Variants in TRAPPC9 observed in about 807,000 individuals in gnomAD.
TRAPPC9 encodes IKK2 binding protein.
In TRAPPC9, 83 loss-of-function variants were observed where a neutral mutation model predicts 124.0. That is an observed-to-expected ratio of 0.67 (90% CI 0.56 to 0.80). The LOEUF (loss-of-function observed/expected upper bound fraction) is 0.80, where lower values mean the gene tolerates loss of function less well. TRAPPC9 is among the 30% of genes least tolerant of loss of function. The pLI is 0.00. For missense variants in TRAPPC9, 1,302 were observed against 1,508.3 expected, an observed-to-expected ratio of 0.86 and a Z score of 2.27; for synonymous variants, 638 against 617.5, an observed-to-expected ratio of 1.03 and a Z score of -0.49.
chr8:139,918,944 C>A (rs1832328388), intron 19 of TRAPPC9, among the ~76,000 whole-genome samples: 1 of 152,154 alleles, frequency 6.6e-6, no homozygotes, highest in Non-Finnish European at 1.5e-5. Flanking sequence ...GACTGCTTGG[C>A]CCGCTGGGTC....
intron 9 of TRAPPC9, among the ~76,000 whole-genome samples, chr8:140,312,225 C>A (rs991587395): frequency 5.9e-5 from 9 of 152,180 alleles, no homozygotes; most frequent in South Asian, 4.1e-4. Flanking sequence ...GAAGTCCCTC[C>A]TTGCAGCATC....
rs373487260 is a variant in TRAPPC9 at position 140,322,005 on chromosome 8, C to A, written c.1496-10631G>T. Among the ~76,000 whole-genome samples the A allele has an allele frequency of 2.6e-5, 4 of 152,242 alleles. No homozygotes were observed. In the East Asian group the frequency reaches 5.8e-4, roughly 22 times the overall value. ...GACCATGGCTGCCAAAGGTTAGGGC[C>A]AAGCAGCAAAGCTTGAAGAAACCCC... On this transcript the variant is annotated intron_variant, in intron 9 of 22. Transcript: ENST00000438773.
chr8:139,751,281 T>C (rs1819290113), intron 21 of TRAPPC9, among the ~76,000 whole-genome samples: 1 of 152,182 alleles, frequency 6.6e-6, no homozygotes, highest in South Asian at 2.1e-4. Context: ...GAATGCATCT[T>C]TTCAGGGGTC....
At chr8:140,424,005 G>A (rs906195816) in intron 5 of TRAPPC9, among the ~76,000 whole-genome samples, 1 of 152,134 alleles carries the variant, frequency 6.6e-6, no homozygotes, top group Non-Finnish European at 1.5e-5. Context: ...ACTGCTAACA[G>A]GTATATGGCT....
At chr8:139,869,535 T>A (rs764225720) in intron 21 of TRAPPC9, among the ~76,000 whole-genome samples, 1 of 152,140 alleles carries the variant, frequency 6.6e-6, no homozygotes, top group Non-Finnish European at 1.5e-5. Context: ...CCATGGTAGA[T>A]CAAATAAGAA....
chr8:139,794,234 C>T (rs893786248), intron 21 of TRAPPC9, among the ~76,000 whole-genome samples: 1 of 152,214 alleles, frequency 6.6e-6, no homozygotes, highest in Non-Finnish European at 1.5e-5. Flanking sequence ...AAGAATCCTG[C>T]CTGGCTCTGT....
chr8:140,291,140 T>A, intron 11 of TRAPPC9, 62 bp from the exon 12 acceptor site: 1 of 1,457,914 alleles, frequency 6.9e-7, no homozygotes. Context: ...ACTTTCTACA[T>A]GGTTTCCAAT....
intron 15 of TRAPPC9, among the ~76,000 whole-genome samples, chr8:140,265,208 G>A (rs1352018638): frequency 1.3e-5 from 2 of 152,134 alleles, no homozygotes; most frequent in Non-Finnish European, 2.9e-5. Context: ...CCGCGCCCAG[G>A]CCAGTAACTG....
Position 139,988,273 on chromosome 8 carries a change from C to T in TRAPPC9, c.2810+453G>A, listed in dbSNP as rs181863938. On this transcript the variant is annotated intron_variant, in intron 19 of 22. Transcript: ENST00000438773. ...GATAACAGGCATGCACCACCATGCC[C>T]GGGTAGTTTTTGTATTTTTAGTAGA... Among the ~76,000 whole-genome samples, 47 of 151,998 alleles carry T rather than the reference C, an allele frequency of 3.1e-4. 2 individuals are homozygous for T. The highest frequency in any genetic ancestry group is 1.1e-3 in the African/African-American group (44 of 41,456).
At chr8:139,890,078 C>T (rs985013411) in intron 20 of TRAPPC9, among the ~76,000 whole-genome samples, 2 of 152,344 alleles carry the variant, frequency 1.3e-5, no homozygotes, top group East Asian at 1.9e-4. Context: ...CCAGCAGCAG[C>T]GAGGCACCCC....
intron 21 of TRAPPC9, among the ~76,000 whole-genome samples, chr8:139,832,196 C>A (rs1485793573): frequency 6.6e-6 from 1 of 152,218 alleles, no homozygotes; most frequent in African/African-American, 2.4e-5. Flanking sequence ...CAGATCAAGT[C>A]TGATACCCTG....
chr8:139,940,480 A>G (rs1833840052), intron 19 of TRAPPC9, among the ~76,000 whole-genome samples: 1 of 152,256 alleles, frequency 6.6e-6, no homozygotes, highest in Non-Finnish European at 1.5e-5. Flanking sequence ...GATTTTAAAA[A>G]TTGAAAAGCA....
At chr8:140,082,363 T>C (rs1049275927) in intron 17 of TRAPPC9, among the ~76,000 whole-genome samples, 1 of 152,170 alleles carries the variant, frequency 6.6e-6, no homozygotes, top group Non-Finnish European at 1.5e-5. Flanking sequence ...TCATTTTTTT[T>C]CCTCGACACA....
In TRAPPC9 at chr8:140,362,258, T is replaced by C. The variant is rs143100807; in HGVS notation, c.1352-2065A>G. Among the ~76,000 whole-genome samples, 83 of 152,332 alleles carry C rather than the reference T, an allele frequency of 5.4e-4. No individual in the cohort carries two copies. In the East Asian group the frequency reaches 0.015, roughly 28 times the overall value. On this transcript the variant is annotated intron_variant, in intron 8 of 22. Coordinates refer to ENST00000438773, the MANE Select transcript of TRAPPC9 (RefSeq NM_001160372.4). The stretch of plus-strand genomic sequence containing the variant: ...CTTAACACACACGTGGATCAAGACG[T>C]AAGGCTGGTGAAAGGAAACCCTCCC...
At chr8:140,024,178 G>A in intron 17 of TRAPPC9, 99 bp from the exon 18 acceptor site, 10 of 1,436,608 alleles carry the variant, frequency 7.0e-6, no homozygotes, top group Non-Finnish European at 9.7e-6. Flanking sequence ...AGAGTCTGAA[G>A]ATAATCCCAA....
At chr8:140,082,068 G>A (rs961053242) in intron 17 of TRAPPC9, 6 of 152,210 alleles carry the variant, frequency 3.9e-5, no homozygotes, top group Non-Finnish European at 7.3e-5. Context: ...AAATTGAAGC[G>A]TGCTTAACAA....
intron 17 of TRAPPC9, among the ~76,000 whole-genome samples, chr8:140,057,951 T>C (rs1240355038): frequency 2.0e-5 from 3 of 152,214 alleles, no homozygotes; most frequent in African/African-American, 7.2e-5. Flanking sequence ...CCTGCCAGTC[T>C]CCGACCACCT....
At position 140,439,173 on chromosome 8, in the gene TRAPPC9, G is replaced by C. The variant is rs550253266; in HGVS notation, c.609C>G (p.Gly203=). 3.0e-5 allele frequency: 48 copies of C among 1,613,996 alleles called. No individual in the cohort carries two copies. The highest frequency in any genetic ancestry group is 3.8e-5 in the Non-Finnish European group (45 of 1,180,052). The change falls in exon 3 of 23, where the codon GGC becomes GGG. Residue 203 remains glycine, a synonymous_variant. Coordinates refer to ENST00000438773, the MANE Select transcript of TRAPPC9 (RefSeq NM_001160372.4). ...DSRHYKKRCQ[G]RMRKHVGDLC... The stretch of plus-strand genomic sequence containing the variant: ...GGTCCCCCACGTGCTTCCGCATGCG[G>C]CCTTGGCACCGCTTCTTGTAATGTC...
At chr8:140,345,107 G>A (rs952954365) in intron 9 of TRAPPC9, among the ~76,000 whole-genome samples, 4 of 152,278 alleles carry the variant, frequency 2.6e-5, no homozygotes, top group African/African-American at 4.8e-5. Context: ...CCAGAAGGAA[G>A]AAGTACAGGC....
Sources: allele counts gnomAD v4.1 joint callset (sites outside exome capture counted in the v4.1 genomes callset), GRCh38; gene constraint gnomAD v4.1.1; transcripts MANE v1.5; gene names NCBI Gene and HGNC (gene_info 2026-07-23, HGNC 2026-07-21).